Variants in CALN1 observed in about 807,000 individuals in gnomAD.
CALN1 encodes calneuron 1, also known as calcium-binding protein 8.
CALN1 carries 17 observed loss-of-function variants against 30.6 expected under a neutral mutation model. That is an observed-to-expected ratio of 0.56 (90% confidence interval 0.38 to 0.83). The LOEUF is 0.83. Ranked by LOEUF, CALN1 falls within the 40% of genes least tolerant of loss-of-function variation. The probability of loss-of-function intolerance (pLI) is 0.00; values close to 1 mark genes in which losing one functional copy is unlikely to be tolerated. For synonymous variants in CALN1, 156 were observed against 131.4 expected (o/e 1.19, Z -1.28); for missense variants, 291 against 354.9 (o/e 0.82, Z 1.45).
At chr7:72,368,159 A>T (rs373007734) in intron 2 of CALN1, among the ~76,000 whole-genome samples, 7 of 151,206 alleles carry the variant, frequency 4.6e-5, no homozygotes, top group Non-Finnish European at 1.0e-4. Context: ...ATGTGTGTGT[A>T]TATATATATG....
chr7:71,884,764 A>G (rs1792796605), intron 5 of CALN1, among the ~76,000 whole-genome samples: 1 of 152,080 alleles, frequency 6.6e-6, no homozygotes, highest in African/African-American at 2.4e-5. Flanking sequence ...AAAATATTTT[A>G]CCCCGAAACC....
At chr7:71,957,246 T>C (rs980855599) in intron 5 of CALN1, among the ~76,000 whole-genome samples, 3 of 152,194 alleles carry the variant, frequency 2.0e-5, no homozygotes, top group African/African-American at 7.2e-5. Flanking sequence ...GAAAGATTGA[T>C]AGGAGGTGGG....
At chr7:72,491,607 G>T in the CALN1 span, among the ~76,000 whole-genome samples, 8 of 152,158 alleles carry the variant, frequency 5.3e-5, no homozygotes, top group African/African-American at 1.9e-4. Flanking sequence ...CCTGACAAGG[G>T]TTCTTTTCTT....
chr7:71,974,783 C>G (rs1798020293), intron 5 of CALN1, among the ~76,000 whole-genome samples: 1 of 152,174 alleles, frequency 6.6e-6, no homozygotes, highest in African/African-American at 2.4e-5. Context: ...TTCTGGCACT[C>G]TGGGAAGGAA....
the CALN1 span, among the ~76,000 whole-genome samples, chr7:72,490,907 T>G: frequency 6.6e-6 from 1 of 152,172 alleles, no homozygotes; most frequent in Non-Finnish European, 1.5e-5. Context: ...ACAGTGTTGT[T>G]GTGAAAATTG....
chr7:72,227,795 A>G (rs1352863699), intron 3 of CALN1, among the ~76,000 whole-genome samples: 1 of 152,088 alleles, frequency 6.6e-6, no homozygotes, highest in Non-Finnish European at 1.5e-5. Flanking sequence ...GGTTGCAGTG[A>G]GCCGAGACTG....
intron 2 of CALN1, among the ~76,000 whole-genome samples, chr7:72,305,246 G>A (rs988641023): frequency 1.3e-5 from 2 of 152,224 alleles, no homozygotes; most frequent in Admixed American, 1.3e-4. Context: ...CCTGCTGGAA[G>A]AAATCCTGCA....
intron 6 of CALN1, among the ~76,000 whole-genome samples, chr7:71,788,327 C>A (rs186291243): frequency 1.3e-5 from 2 of 152,172 alleles, no homozygotes; most frequent in African/African-American, 4.8e-5. Flanking sequence ...CTTCCCTACA[C>A]CTCTGTGATC....
upstream of CALN1, among the ~76,000 whole-genome samples, chr7:72,416,864 C>G (rs935126611): frequency 1.3e-5 from 2 of 151,734 alleles, no homozygotes; most frequent in South Asian, 4.2e-4. Context: ...CTGGGGTGGG[C>G]TGGGCTGAGC....
chr7:72,215,718 G>A (rs4719220), intron 3 of CALN1, among the ~76,000 whole-genome samples: 23,572 of 151,938 alleles, frequency 0.16, 1,913 homozygotes, highest in South Asian at 0.21. Context: ...TACTGCCTTC[G>A]TACAGCAGCT....
chr7:72,369,720 A>G (rs1406109782), intron 2 of CALN1, among the ~76,000 whole-genome samples: 1 of 152,196 alleles, frequency 6.6e-6, no homozygotes, highest in African/African-American at 2.4e-5. Context: ...AGAAGTTTAT[A>G]GAAGTAGAAC....
In CALN1 at chr7:72,110,857, T is replaced by G. The variant is rs567434805; in HGVS notation, c.245-4563A>C. 9.9e-5 allele frequency among the ~76,000 whole-genome samples: 15 copies of G among 151,932 alleles called. 1 individual carries two copies. The South Asian group carries it at 3.1e-3, about 32-fold the overall frequency. On this transcript the variant is annotated intron_variant, in intron 3 of 6. Coordinates refer to ENST00000395275, the MANE Select transcript of CALN1 (RefSeq NM_031468.4). ...TTTTATTTTTAATAGCAAAACAGGG[T>G]GTGAAAAATATGCCCGTAAAACCCA...
intron 3 of CALN1, among the ~76,000 whole-genome samples, chr7:72,263,552 T>C (rs1193474472): frequency 1.3e-5 from 2 of 152,068 alleles, no homozygotes; most frequent in Non-Finnish European, 2.9e-5. Flanking sequence ...CCCACCACCA[T>C]GCCTGGCTAA....
At chr7:71,877,137 G>A (rs1055488229) in intron 5 of CALN1, among the ~76,000 whole-genome samples, 6 of 151,924 alleles carry the variant, frequency 3.9e-5, no homozygotes, top group Admixed American at 1.3e-4. Context: ...ATCAATAGAC[G>A]CTGGAAAGAC....
At chr7:72,335,445 C>T (rs1053276229) in intron 2 of CALN1, among the ~76,000 whole-genome samples, 3 of 152,222 alleles carry the variant, frequency 2.0e-5, no homozygotes, top group African/African-American at 7.2e-5. Flanking sequence ...TCTACCCATT[C>T]TTTCTGAGAA....
intron 3 of CALN1, among the ~76,000 whole-genome samples, chr7:72,230,106 A>T (rs921806264): frequency 1.3e-5 from 2 of 152,006 alleles, no homozygotes; most frequent in African/African-American, 4.8e-5. Flanking sequence ...GCACCACTGC[A>T]CTCCAGCCTG....
intron 2 of CALN1, among the ~76,000 whole-genome samples, chr7:72,353,825 C>A (rs1457053378): frequency 6.6e-6 from 1 of 152,102 alleles, no homozygotes; most frequent in Non-Finnish European, 1.5e-5. Flanking sequence ...ATGAAAGTGA[C>A]CTTAACAAGG....
chr7:72,293,674 T>A (rs1369306141), intron 2 of CALN1, among the ~76,000 whole-genome samples: 1 of 152,212 alleles, frequency 6.6e-6, no homozygotes, highest in Non-Finnish European at 1.5e-5. Context: ...TTCTATTTTA[T>A]TCTGCATTTC....
At chr7:72,380,688 TGG>T (rs1804837868) in intron 2 of CALN1, among the ~76,000 whole-genome samples, 2 of 150,912 alleles carry the variant, frequency 1.3e-5, no homozygotes, top group African/African-American at 4.9e-5. Flanking sequence ...GATGGATGGA[TGG>T]ATACATACAT....
Sources: gnomAD v4.1 joint callset for allele counts (sites outside exome capture counted in the v4.1 genomes callset) on GRCh38, gnomAD v4.1.1 for gene constraint, MANE v1.5 for transcripts, NCBI Gene and HGNC (gene_info 2026-07-23, HGNC 2026-07-21) for gene names.